The following VRTN variants were observed in gnomAD, a reference collection of about 807,000 sequenced individuals.
The protein encoded by VRTN is vertnin.
Under a neutral mutation model 18.2 loss-of-function variants are expected in VRTN, and 5 were observed. That is an observed-to-expected ratio of 0.27 (90% confidence interval 0.14 to 0.58). The LOEUF is 0.58. VRTN is among the 20% of genes least tolerant of loss of function. The pLI is 0.91. For missense variants in VRTN, 741 were observed against 939.4 expected, an observed-to-expected ratio of 0.79 and a Z score of 2.76; for synonymous variants, 381 against 393.7, an observed-to-expected ratio of 0.97 and a Z score of 0.38.
chr14:74,321,963 C>T lies in VRTN; in HGVS notation c.-163-15760C>T, dbSNP rs1332167655. On this transcript the variant is annotated intron_variant, in intron 1 of 2. Coordinates refer to the VRTN transcript ENST00000557177. Reference sequence around the variant, plus strand: ...TTGAGCGATTTTCCTGCCTCAGCCTCCTGAGTAGCTGAGACTACAGGTGTG... The same window carrying T: ...TTGAGCGATTTTCCTGCCTCAGCCTTCTGAGTAGCTGAGACTACAGGTGTG... 3.3e-5 allele frequency among the ~76,000 whole-genome samples: 5 copies of T among 152,242 alleles called. No individual in the cohort carries two copies. The East Asian group carries it at 9.7e-4, about 29-fold the overall frequency.
At chr14:74,312,392 T>C (rs1347765496) in intron 1 of VRTN, among the ~76,000 whole-genome samples, 1 of 152,198 alleles carries the variant, frequency 6.6e-6, no homozygotes, top group East Asian at 1.9e-4. Context: ...AATGCAAGGA[T>C]TGGAGAGAGC....
At position 74,357,536 on chromosome 14, in the gene VRTN, C is replaced by T; in HGVS notation, c.753C>T (p.Ala251=). Residue 251 remains alanine, a synonymous_variant, in exon 2 of 2, where the codon GCC becomes GCT. Coordinates refer to ENST00000256362, the MANE Select transcript of VRTN (RefSeq NM_018228.3). The surrounding 1 kb of genome is among the most constrained non-coding windows in gnomAD (Gnocchi z 7.8). Reference sequence around the variant, plus strand: ...TGGAAGAGGTGGAGGCTGAAGGTGCCCCTGGCGTGGCCCCAGCTCTTCCAG... The same window carrying T: ...TGGAAGAGGTGGAGGCTGAAGGTGCTCCTGGCGTGGCCCCAGCTCTTCCAG... ...VGLEEVEAEG[A]PGVAPALPAL... The T allele has an allele frequency of 1.9e-6, 3 of 1,613,614 alleles. No homozygotes were observed. The highest frequency in any genetic ancestry group is 2.5e-6 in the Non-Finnish European group (3 of 1,180,012).
At position 74,348,536 on chromosome 14, in the gene VRTN, C is replaced by T. The variant is rs2286425; in HGVS notation, c.-118C>T. On this transcript the variant is annotated 5_prime_UTR_variant, in exon 1 of 2. The change creates a new upstream start codon in the 5' untranslated region. Transcript: ENST00000256362. ...ATATGAAACTGGTTCTGGAGTGAGA[C>T]GAGCTCGGCTGGGGACGCTACTTGA... 61,712 of 152,144 alleles carry T rather than the reference C, an allele frequency of 0.41. 14,605 individuals carry two copies. The highest frequency in any genetic ancestry group is 0.59 in the East Asian group (3,067 of 5,168). 9.4% of individuals were successfully genotyped at this position (152,144 alleles called of 1,614,324 possible). A position where few individuals can be genotyped will look rare whatever the true frequency, so the allele number is the denominator to read the frequency against.
chr14:74,315,216 C>CT (rs887690204), intron 1 of VRTN, among the ~76,000 whole-genome samples: 4 of 151,566 alleles, frequency 2.6e-5, no homozygotes, highest in African/African-American at 7.3e-5. Context: ...AGTGATACTT[C>CT]TTTTTTTTTG....
intron 1 of VRTN, among the ~76,000 whole-genome samples, chr14:74,355,708 T>A (rs1464334554): frequency 6.6e-6 from 1 of 152,052 alleles, no homozygotes; most frequent in Non-Finnish European, 1.5e-5. Context: ...CTAACTTTTT[T>A]TTTTGTATTT....
chr14:74,314,603 C>T (rs1211050271), intron 1 of VRTN, among the ~76,000 whole-genome samples: 2 of 151,794 alleles, frequency 1.3e-5, no homozygotes, highest in African/African-American at 4.8e-5. Context: ...GGGGTTTCAT[C>T]GAGTTAGCCA....
At chr14:74,342,048 C>T (rs1236190942) in intron 2 of VRTN, among the ~76,000 whole-genome samples, 1 of 152,024 alleles carries the variant, frequency 6.6e-6, no homozygotes, top group Non-Finnish European at 1.5e-5. Flanking sequence ...TTTACCAAAT[C>T]CCAAACCCAT....
At chr14:74,350,056 T>C (rs2085674011) in intron 1 of VRTN, among the ~76,000 whole-genome samples, 1 of 152,178 alleles carries the variant, frequency 6.6e-6, no homozygotes, top group South Asian at 2.1e-4. Flanking sequence ...CTTCCCTGAA[T>C]GCACCTGGCA....
At chr14:74,342,430 T>C (rs1230467537) in intron 2 of VRTN, among the ~76,000 whole-genome samples, 2 of 152,190 alleles carry the variant, frequency 1.3e-5, no homozygotes, top group East Asian at 1.9e-4. Context: ...CATGTATGTG[T>C]ATGTAAATAT....
At chr14:74,332,089 T>TG (rs542088041) in intron 1 of VRTN, among the ~76,000 whole-genome samples, 204 of 151,898 alleles carry the variant, frequency 1.3e-3, no homozygotes, top group African/African-American at 4.6e-3. Context: ...AGCCACACCA[T>TG]GGGAAAAAAA....
intron 1 of VRTN, among the ~76,000 whole-genome samples, chr14:74,303,664 A>C (rs1028390396): frequency 2.6e-5 from 4 of 152,154 alleles, no homozygotes; most frequent in African/African-American, 9.7e-5. Flanking sequence ...TGGCTCAAAA[A>C]AAACCCAAAC....
At chr14:74,307,359 A>G (rs2085359962) in intron 1 of VRTN, among the ~76,000 whole-genome samples, 1 of 151,796 alleles carries the variant, frequency 6.6e-6, no homozygotes, top group African/African-American at 2.4e-5. Flanking sequence ...CAAACTCCTT[A>G]CCTCAGTTGA....
chr14:74,303,044 T>A (rs547577003), upstream of VRTN: 23 of 1,027,100 alleles, frequency 2.2e-5, no homozygotes, highest in African/African-American at 1.7e-4. Context: ...AGACGCGGAC[T>A]CTCCCGGAAG....
In VRTN at chr14:74,357,813, C is replaced by T. The variant is rs368643849; in HGVS notation, c.1030C>T (p.Arg344Cys). Reference sequence around the variant, plus strand: ...CCTCCAGCGGTTCCCGGAGATCTCCCGCTCAACCTACTATGCCTGGAAGCA... The same window carrying T: ...CCTCCAGCGGTTCCCGGAGATCTCCTGCTCAACCTACTATGCCTGGAAGCA... ...QFLQRFPEISRSTYYAWKHEL... is the reference protein window; with the variant it reads ...QFLQRFPEISCSTYYAWKHEL... Residue 344 changes from arginine (R) to cysteine (C), a missense_variant, in exon 2 of 2, where the codon CGC becomes TGC. Arg to Cys is a radical substitution (Grantham distance 180). This residue lies in a region of VRTN where 494 missense variants were observed against 546.5 expected (regional missense o/e 0.90). Coordinates refer to ENST00000256362, the MANE Select transcript of VRTN (RefSeq NM_018228.3). This position sits in a 1 kb window ranked among gnomAD's most constrained non-coding sequence, Gnocchi z 7.8. 5.0e-6 allele frequency: 8 copies of T among 1,613,298 alleles called. No individual in the cohort carries two copies. The highest frequency in any genetic ancestry group is 3.3e-5 in the South Asian group (3 of 91,072).
chr14:74,306,155 TATATATATA>T (rs1222418251), intron 1 of VRTN: 1 of 73,542 alleles, frequency 1.4e-5, no homozygotes, highest in African/African-American at 6.9e-5. Context: ...CATATATATA[TATATATATA>T]TATATATATT....
At chr14:74,351,740 C>T (rs944045151) in intron 1 of VRTN, among the ~76,000 whole-genome samples, 6 of 152,036 alleles carry the variant, frequency 3.9e-5, no homozygotes, top group Non-Finnish European at 5.9e-5. Flanking sequence ...TTCAGCCTCC[C>T]AAAGTTCTGG....
At chr14:74,317,402 C>T (rs1033345550) in intron 1 of VRTN, among the ~76,000 whole-genome samples, 1 of 152,202 alleles carries the variant, frequency 6.6e-6, no homozygotes, top group Admixed American at 6.5e-5. Flanking sequence ...TGGATATTTT[C>T]GGTTGTCATA....
At chr14:74,324,923 A>C (rs2085479458) in intron 1 of VRTN, among the ~76,000 whole-genome samples, 1 of 152,014 alleles carries the variant, frequency 6.6e-6, no homozygotes, top group African/African-American at 2.4e-5. Context: ...TAAATAAATA[A>C]ATACATTCTC....
At chr14:74,346,770 A>G (rs549658126), upstream of VRTN, among the ~76,000 whole-genome samples, 12 of 152,004 alleles carry the variant, frequency 7.9e-5, no homozygotes, top group East Asian at 2.3e-3. Flanking sequence ...CTTAAATAAC[A>G]CTCTTACTTT....
Sources: allele counts gnomAD v4.1 joint callset (sites outside exome capture counted in the v4.1 genomes callset), GRCh38; gene constraint gnomAD v4.1.1; regional missense constraint gnomAD v4.1.1; non-coding constraint Gnocchi (gnomAD v3.1); transcripts MANE v1.5; gene names NCBI Gene and HGNC (gene_info 2026-07-23, HGNC 2026-07-21).